BRPF1: variants seen among roughly 807,000 people sequenced by gnomAD.
BRPF1 encodes the protein peregrin.
A neutral mutation model predicts 115.0 loss-of-function variants in BRPF1; 15 were observed. The ratio of observed to expected loss-of-function variants is 0.13; its 90% CI spans 0.09 to 0.20. The LOEUF is 0.20. Ranked by LOEUF, BRPF1 falls within the 10% of genes least tolerant of loss-of-function variation. BRPF1 has a pLI of 1.00. For missense variants in BRPF1, 1,118 were observed against 1,638.3 expected (o/e 0.68, Z 5.48); for synonymous variants, 647 against 619.8 (o/e 1.04, Z -0.65).
Position 9,746,469 on chromosome 3 carries a change from A to G in BRPF1, c.3479+15A>G, listed in dbSNP as rs368633733. 5.8e-6 allele frequency: 9 copies of G among 1,551,578 alleles called. No homozygotes were observed. The African/African-American group carries it at 1.1e-4, about 19-fold the overall frequency. ...AAACGAACCTGGTAAGGAGGGGAGC[A>G]TTTGGTGTGACTCACAGCCACAGAT... On this transcript the variant is annotated intron_variant, in intron 13 of 13. Transcript: ENST00000383829.
In BRPF1 at chr3:9,747,658, C is replaced by T. The variant is rs11632; in HGVS notation, c.*309C>T. On this transcript the variant is annotated 3_prime_UTR_variant, in exon 14 of 14. Coordinates refer to ENST00000383829, the MANE Select transcript of BRPF1 (RefSeq NM_001003694.2). The surrounding 1 kb of genome is among the most constrained non-coding windows in gnomAD (Gnocchi z 5.6). Reference sequence around the variant, plus strand: ...TAGGACACTGCGTAAAACAGGCCATCCCACCACCTCTACCTGCTCATGCCA... The same window carrying T: ...TAGGACACTGCGTAAAACAGGCCATTCCACCACCTCTACCTGCTCATGCCA... The T allele has an allele frequency of 9.8e-5, 26 of 266,610 alleles. No homozygotes were observed. Among genetic ancestry groups the T allele is most frequent in the Non-Finnish European group, 8.1e-5 (11 of 136,356 alleles). 16.5% of individuals were successfully genotyped at this position (266,610 alleles called of 1,614,324 possible). A position where few individuals can be genotyped will look rare whatever the true frequency, so the allele number is the denominator to read the frequency against.
rs773570041 is a variant in BRPF1, at chr3:9,734,139, G to C, written c.-2G>C. The C allele has an allele frequency of 5.6e-6, 9 of 1,598,786 alleles. No homozygotes were observed. In the Admixed American group the frequency reaches 1.5e-4, roughly 27 times the overall value. ...TGATCTGTGTATTCTAGATGTGACA[G>C]CATGGGGGTGGACTTTGATGTGAAG... On this transcript the variant is annotated 5_prime_UTR_variant, in exon 2 of 14. Transcript: ENST00000383829. This position sits in a 1 kb window ranked among gnomAD's most constrained non-coding sequence, Gnocchi z 5.7.
chr3:9,739,251 C>T lies in BRPF1; in HGVS notation c.852C>T (p.Cys284=), dbSNP rs1227228142. The stretch of plus-strand genomic sequence containing the variant: ...GCTGTATCTGCAATGATGGTGAGTG[C>T]CAGAACAGCAATGTCATCCTCTTCT... ...AVCCICNDGE[C]QNSNVILFCD... Residue 284 remains cysteine (C), a synonymous_variant, in exon 3 of 14, where the codon TGC becomes TGT. Transcript: ENST00000383829. The T allele has an allele frequency of 1.9e-6, 3 of 1,612,808 alleles. No homozygotes were observed. The highest frequency in any genetic ancestry group is 2.2e-5 in the East Asian group (1 of 44,840).
rs755894006 is a variant in BRPF1, at chr3:9,745,578, C to T, written c.3074C>T (p.Thr1025Met). 2.9e-5 allele frequency: 46 copies of T among 1,614,024 alleles called. No individual in the cohort carries two copies. The highest frequency in any genetic ancestry group is 1.5e-4 in the African/African-American group (11 of 74,940). Residue 1025 changes from threonine to methionine, a missense_variant, in exon 11 of 14, where the codon ACG becomes ATG. Coordinates refer to ENST00000383829, the MANE Select transcript of BRPF1 (RefSeq NM_001003694.2). The surrounding 1 kb of genome is among the most constrained non-coding windows in gnomAD (Gnocchi z 5.1). ...SSAASDRTSTTPSKQGRGKPS... is the reference protein window; with the variant it reads ...SSAASDRTSTMPSKQGRGKPS... Reference sequence around the variant, plus strand: ...TCCCATTGTCTTGTCCACAGCACAACGCCCTCAAAACAAGGCCGGGGCAAA... The same window carrying T: ...TCCCATTGTCTTGTCCACAGCACAATGCCCTCAAAACAAGGCCGGGGCAAA...
At chr3:9,740,023 G>T (rs2077003232) in intron 3 of BRPF1, 65 bp downstream of exon 3, 4 of 1,477,000 alleles carry the variant, frequency 2.7e-6, no homozygotes, top group Non-Finnish European at 3.6e-6. Context: ...GGAGCTGGCA[G>T]CCTCCTGAGT....
At chr3:9,732,432 C>T (rs2076869194) in intron 1 of BRPF1, 1 of 152,184 alleles carries the variant, frequency 6.6e-6, no homozygotes, top group Admixed American at 6.5e-5. Context: ...AGCCCTATCC[C>T]TCCGGCCCCC....
Position 9,743,395 on chromosome 3 carries a change from A to G in BRPF1, c.2311+142A>G. 7.8e-7 allele frequency: 1 copy of G among 1,276,568 alleles called. No homozygotes were observed. Among genetic ancestry groups the G allele is most frequent in the Non-Finnish European group, 1.1e-6 (1 of 935,288 alleles). The allele number at this position is 1,276,568 out of a possible 1,614,324, so 79.1% of individuals were successfully genotyped here. On this transcript the variant is annotated intron_variant, in intron 7 of 13. Transcript: ENST00000383829. This position sits in a 1 kb window ranked among gnomAD's most constrained non-coding sequence, Gnocchi z 6.1. ...CAAGCTATCCCCAGGAATGCTCCCC[A>G]AGAAGCCAGACTGGGTGAATGGATA...
At position 9,741,406 on chromosome 3, in the gene BRPF1, G is replaced by C; in HGVS notation, c.1821G>C (p.Leu607Phe). ...AGCGAGCTCGGCTGCTCGTGGAATTGATCCGCAAGCGGGAAAAACTCAAAA... is the reference window on the plus strand; with the variant it reads ...AGCGAGCTCGGCTGCTCGTGGAATTCATCCGCAAGCGGGAAAAACTCAAAA... ...DLERARLLVE[L>F]IRKREKLKRE... The change falls in exon 5 of 14, where the codon TTG (leucine) becomes TTC (phenylalanine). Residue 607 changes from leucine to phenylalanine, a missense_variant. Coordinates refer to ENST00000383829, the MANE Select transcript of BRPF1 (RefSeq NM_001003694.2). 1 of 1,605,922 alleles carries C rather than the reference G, an allele frequency of 6.2e-7. No individual in the cohort carries two copies. Among genetic ancestry groups the C allele is most frequent in the Non-Finnish European group, 8.5e-7 (1 of 1,174,592 alleles).
chr3:9,740,700 TTTC>T, intron 3 of BRPF1, 76 bp from the exon 4 acceptor site: 1 of 1,550,826 alleles, frequency 6.4e-7, no homozygotes, highest in East Asian at 2.3e-5. Flanking sequence ...ATTCAGGAAC[TTTC>T]ACTGGCCAGA....
chr3:9,742,815 C>CTAT (rs1162662657), intron 6 of BRPF1, 129 bp from the exon 7 acceptor site: 1 of 1,036,092 alleles, frequency 9.7e-7, no homozygotes, highest in African/African-American at 1.6e-5. Context: ...TTCCCCTGTG[C>CTAT]TATATGCCTG....
Position 9,743,803 on chromosome 3 carries a change from C to G in BRPF1, c.2537C>G (p.Ser846Trp). ...GATGGCCCTGAGCGGCATGGCCCCT[C>G]GAGCCGGGGTAGTCTGACACCCCAC... ...GRDGPERHGPSSRGSLTPHPA... is the reference protein window; with the variant it reads ...GRDGPERHGPWSRGSLTPHPA... The change falls in exon 8 of 14, where the codon TCG becomes TGG. Residue 846 changes from serine to tryptophan, a missense_variant. Ser to Trp is a radical substitution (Grantham distance 177). Coordinates refer to ENST00000383829, the MANE Select transcript of BRPF1 (RefSeq NM_001003694.2). This position sits in a 1 kb window ranked among gnomAD's most constrained non-coding sequence, Gnocchi z 6.1. The G allele has an allele frequency of 1.2e-6, 2 of 1,613,238 alleles. No individual in the cohort carries two copies. The highest frequency in any genetic ancestry group is 2.2e-5 in the South Asian group (2 of 91,036).
Position 9,734,118 on chromosome 3 carries a change from C to G in BRPF1, c.-10-13C>G. Reference sequence around the variant, plus strand: ...CATCCCCAGCCTTATGTTAACTGATCTGTGTATTCTAGATGTGACAGCATG... The same window carrying G: ...CATCCCCAGCCTTATGTTAACTGATGTGTGTATTCTAGATGTGACAGCATG... On this transcript the variant is annotated splice_polypyrimidine_tract_variant and intron_variant, in intron 1 of 13. Coordinates refer to ENST00000383829, the MANE Select transcript of BRPF1 (RefSeq NM_001003694.2). The surrounding 1 kb of genome is among the most constrained non-coding windows in gnomAD (Gnocchi z 5.7). 1 of 1,565,710 alleles carries G rather than the reference C, an allele frequency of 6.4e-7. No individual in the cohort carries two copies. Among genetic ancestry groups the G allele is most frequent in the Non-Finnish European group, 8.7e-7 (1 of 1,153,818 alleles).
Position 9,742,133 on chromosome 3 carries a change from G to A in BRPF1, c.1963G>A (p.Glu655Lys), listed in dbSNP as rs374891106. ...QEKDTGNIFS[E>K]PVPLSEVTEL... Reference sequence around the variant, plus strand: ...GAAGGACACAGGCAACATCTTCAGCGAGCCGGTCCCTCTGTCTGAGGTAAC... The same window carrying A: ...GAAGGACACAGGCAACATCTTCAGCAAGCCGGTCCCTCTGTCTGAGGTAAC... The change falls in exon 6 of 14, where the codon GAG becomes AAG. Residue 655 changes from glutamate to lysine, a missense_variant. Glu to Lys is a moderately conservative substitution (Grantham distance 56, BLOSUM62 1). Around this residue, in one of 10 missense-constraint regions of BRPF1, gnomAD observed 178 missense variants for 303.7 expected, o/e 0.59. Transcript: ENST00000383829. 48 of 1,614,074 alleles carry A rather than the reference G, an allele frequency of 3.0e-5. No homozygotes were observed. The Admixed American group carries it at 3.3e-4, about 11-fold the overall frequency.
chr3:9,736,100 T>G (rs1200030363), intron 2 of BRPF1, among the ~76,000 whole-genome samples: 2 of 133,654 alleles, frequency 1.5e-5, no homozygotes, highest in Non-Finnish European at 3.1e-5. Flanking sequence ...CGACCTCCAC[T>G]GGGTTCAAGC....
intron 4 of BRPF1, 67 bp from the exon 5 acceptor site, chr3:9,741,241 C>G: frequency 6.6e-7 from 1 of 1,511,094 alleles, no homozygotes. Context: ...TTCCTGGGCT[C>G]TCTTCTCCCT....
rs1286351086 is a variant in BRPF1, at chr3:9,739,530, C to A, written c.1131C>A (p.Ile377=). The change falls in exon 3 of 14, where the codon ATC becomes ATA. Residue 377 remains isoleucine, a synonymous_variant. Coordinates refer to ENST00000383829, the MANE Select transcript of BRPF1 (RefSeq NM_001003694.2). ...FLEPIDSIEH[I]PPARWKLTCY... ...AGCCTATTGACAGCATTGAGCACAT[C>A]CCACCAGCTCGCTGGAAGCTCACCT... 6.8e-6 allele frequency: 11 copies of A among 1,613,494 alleles called. No individual in the cohort carries two copies. The highest frequency in any genetic ancestry group is 9.3e-6 in the Non-Finnish European group (11 of 1,179,462).
Position 9,743,746 on chromosome 3 carries a change from G to A in BRPF1, c.2480G>A (p.Arg827Gln), listed in dbSNP as rs149251831. ...AAGAAAGAGATGACGGCACTGCGGC[G>A]GAAGCTTGCCCATCAGCGAGAGACG... ...MIKKEMTALR[R>Q]KLAHQRETGR... The change falls in exon 8 of 14, where the codon CGG (arginine) becomes CAG (glutamine). Residue 827 changes from arginine (R) to glutamine (Q), a missense_variant. Physicochemically the swap from Arg to Gln is conservative, Grantham distance 43. Around this residue, in one of 10 missense-constraint regions of BRPF1, gnomAD observed 223 missense variants for 240.7 expected, o/e 0.93. Transcript: ENST00000383829. This position sits in a 1 kb window ranked among gnomAD's most constrained non-coding sequence, Gnocchi z 6.1. 35 of 1,614,042 alleles carry A rather than the reference G, an allele frequency of 2.2e-5. No individual in the cohort carries two copies. The highest frequency in any genetic ancestry group is 1.6e-4 in the Middle Eastern group (1 of 6,084).
rs201662344 is a variant in BRPF1 at position 9,747,154 on chromosome 3, C to T, written c.3480-12C>T. ...CTGAGATGATTTATTTGATCTTCACCTTATCCTATAGGCAGTGGCTGCCCA... is the reference window on the plus strand; with the variant it reads ...CTGAGATGATTTATTTGATCTTCACTTTATCCTATAGGCAGTGGCTGCCCA... On this transcript the variant is annotated splice_polypyrimidine_tract_variant and intron_variant, in intron 13 of 13. Transcript: ENST00000383829. This position sits in a 1 kb window ranked among gnomAD's most constrained non-coding sequence, Gnocchi z 5.6. The T allele has an allele frequency of 5.6e-6, 9 of 1,613,950 alleles. No homozygotes were observed. In the Admixed American group the frequency reaches 1.5e-4, roughly 27 times the overall value.
chr3:9,744,127 G>A (rs1169611488), intron 8 of BRPF1, 97 bp from the exon 9 acceptor site: 1 of 1,401,092 alleles, frequency 7.1e-7, no homozygotes, highest in Non-Finnish European at 9.6e-7. Flanking sequence ...ACGTTAGCTG[G>A]AGTAATGGTC....
Sources: allele counts gnomAD v4.1 joint callset (sites outside exome capture counted in the v4.1 genomes callset), GRCh38; gene constraint gnomAD v4.1.1; regional missense constraint gnomAD v4.1.1; non-coding constraint Gnocchi (gnomAD v3.1); transcripts MANE v1.5; gene names NCBI Gene and HGNC (gene_info 2026-07-23, HGNC 2026-07-21).